DSCAM: variants seen among roughly 807,000 people sequenced by gnomAD.
DSCAM encodes the protein cell adhesion molecule DSCAM.
In DSCAM, 47 loss-of-function variants were observed where a neutral mutation model predicts 217.7. The observed-to-expected ratio is 0.22, with a 90% CI of 0.17 to 0.28. The LOEUF (loss-of-function observed/expected upper bound fraction) is 0.28. Ranked by LOEUF, DSCAM falls within the 10% of genes least tolerant of loss-of-function variation. The pLI is 1.00. For synonymous variants in DSCAM, 1,056 were observed against 1,015.3 expected (o/e 1.04, Z -0.76); for missense variants, 2,080 against 2,618.3 (o/e 0.79, Z 4.49).
intron 3 of DSCAM, among the ~76,000 whole-genome samples, chr21:40,452,237 TACACACACACAC>T (rs71186937): frequency 2.1e-5 from 3 of 144,456 alleles, no homozygotes; most frequent in Admixed American, 7.0e-5. Flanking sequence ...TACACTATAT[TACACACACACAC>T]ACACACACAC....
In DSCAM at chr21:40,058,586, C is replaced by T. The variant is rs369234364; in HGVS notation, c.4920-2746G>A. Among the ~76,000 whole-genome samples, 5 of 152,124 alleles carry T rather than the reference C, an allele frequency of 3.3e-5. No individual in the cohort carries two copies. In the South Asian group the frequency reaches 8.3e-4, roughly 25 times the overall value. ...ACATTGATTTATTTTGAGGGCACAA[C>T]GTGAGCTGAGTGAGATGTCCCCAAG... is the stretch of plus-strand genomic sequence containing the variant. On this transcript the variant is annotated intron_variant, in intron 28 of 32. Transcript: ENST00000400454.
chr21:40,543,019 A>G (rs2076553980), intron 3 of DSCAM, among the ~76,000 whole-genome samples: 1 of 152,280 alleles, frequency 6.6e-6, no homozygotes, highest in South Asian at 2.1e-4. Context: ...GCTCCTTGAG[A>G]TATTTATCTG....
chr21:40,380,283 A>C (rs1364504440), intron 3 of DSCAM, among the ~76,000 whole-genome samples: 1 of 152,244 alleles, frequency 6.6e-6, no homozygotes, highest in Non-Finnish European at 1.5e-5. Context: ...AGTTGTTTAA[A>C]ATAATGAATC....
chr21:40,062,862 T>C lies in DSCAM; in HGVS notation c.4919+7A>G, dbSNP rs1331360431. On this transcript the variant is annotated splice_region_variant and intron_variant, in intron 28 of 32. Coordinates refer to ENST00000400454, the MANE Select transcript of DSCAM (RefSeq NM_001389.5). ...ATGATATCTGGGGTGCTAGGTCTTG[T>C]TCTTACCTCATGAGCATTTCAGCTA... 12 of 1,592,938 alleles carry C rather than the reference T, an allele frequency of 7.5e-6. No individual in the cohort carries two copies. The highest frequency in any genetic ancestry group is 1.0e-5 in the Non-Finnish European group (12 of 1,172,768).
intron 3 of DSCAM, among the ~76,000 whole-genome samples, chr21:40,680,472 C>T (rs547176642): frequency 6.6e-6 from 1 of 152,258 alleles, no homozygotes; most frequent in Admixed American, 6.5e-5. Flanking sequence ...GAGTGCAAAC[C>T]CAAGCCCTGC....
At chr21:40,751,386 C>T (rs748253558) in intron 1 of DSCAM, among the ~76,000 whole-genome samples, 11 of 152,296 alleles carry the variant, frequency 7.2e-5, no homozygotes, top group Non-Finnish European at 1.0e-4. Flanking sequence ...TGAAGGCTTC[C>T]GCCTGTTTTG....
intron 1 of DSCAM, among the ~76,000 whole-genome samples, chr21:40,791,789 C>T (rs968603698): frequency 6.6e-6 from 1 of 152,188 alleles, no homozygotes; most frequent in Non-Finnish European, 1.5e-5. Flanking sequence ...TGACTCTCCT[C>T]ACATTGTCTT....
intron 3 of DSCAM, among the ~76,000 whole-genome samples, chr21:40,415,906 G>C (rs2075366982): frequency 1.3e-5 from 2 of 152,058 alleles, no homozygotes; most frequent in African/African-American, 4.8e-5. Flanking sequence ...TTTTATTAAT[G>C]ACACATAGGT....
intron 3 of DSCAM, among the ~76,000 whole-genome samples, chr21:40,563,547 TTATA>T (rs1171061031): frequency 7.4e-6 from 1 of 135,310 alleles, no homozygotes; most frequent in East Asian, 2.3e-4. Context: ...AGTTATATGT[TTATA>T]TATGTTTATA....
At position 40,183,549 on chromosome 21, in the gene DSCAM, C is replaced by T. The variant is rs540426584; in HGVS notation, c.2779+3582G>A. Among the ~76,000 whole-genome samples the T allele has an allele frequency of 2.3e-3, 356 of 152,230 alleles. 1 individual carries two copies. The highest frequency in any genetic ancestry group is 4.6e-3 in the South Asian group (22 of 4,818). The stretch of plus-strand genomic sequence containing the variant: ...CAGTGTTTCCTGGAAAAGAGTAAAC[C>T]AAGGAAAGTCATCTGTTGTCAAATC... On this transcript the variant is annotated intron_variant, in intron 14 of 32. Coordinates refer to ENST00000400454, the MANE Select transcript of DSCAM (RefSeq NM_001389.5).
chr21:40,399,900 A>G (rs1220578591), intron 3 of DSCAM, among the ~76,000 whole-genome samples: 5 of 152,202 alleles, frequency 3.3e-5, no homozygotes, highest in African/African-American at 1.2e-4. Flanking sequence ...GTAACAAAGC[A>G]ATGTTGCTGC....
At chr21:40,240,348 G>GGTTTT (rs2073133302) in intron 11 of DSCAM, among the ~76,000 whole-genome samples, 1 of 43,850 alleles carries the variant, frequency 2.3e-5, no homozygotes, top group Non-Finnish European at 3.9e-5. Flanking sequence ...CTTCCTCACT[G>GGTTTT]GTTTTTTTTT....
At chr21:40,235,235 G>A (rs1248401182) in intron 11 of DSCAM, among the ~76,000 whole-genome samples, 1 of 152,166 alleles carries the variant, frequency 6.6e-6, no homozygotes, top group Non-Finnish European at 1.5e-5. Context: ...AAAATACAAA[G>A]ATGAGACTCA....
intron 8 of DSCAM, among the ~76,000 whole-genome samples, chr21:40,335,625 A>C (rs2074422723): frequency 6.6e-6 from 1 of 152,244 alleles, no homozygotes. Context: ...TCTCGAAAGA[A>C]ATAATCTTAA....
At chr21:40,801,020 T>G (rs1440870332) in intron 1 of DSCAM, among the ~76,000 whole-genome samples, 1 of 150,360 alleles carries the variant, frequency 6.7e-6, no homozygotes, top group African/African-American at 2.5e-5. Context: ...GGCTTGATCT[T>G]GGCTCACTGC....
chr21:40,520,170 CTAGAA>C (rs1335097287), intron 3 of DSCAM, among the ~76,000 whole-genome samples: 1 of 151,938 alleles, frequency 6.6e-6, no homozygotes, highest in African/African-American at 2.4e-5. Flanking sequence ...TAAATTGCTC[CTAGAA>C]TAAATTCTAG....
At chr21:40,228,549 A>C (rs746620170) in intron 11 of DSCAM, among the ~76,000 whole-genome samples, 1 of 151,982 alleles carries the variant, frequency 6.6e-6, no homozygotes, top group Non-Finnish European at 1.5e-5. Flanking sequence ...AGATTTAACC[A>C]CTGGGAACTC....
At chr21:40,031,664 G>A (rs914247058) in intron 32 of DSCAM, among the ~76,000 whole-genome samples, 8 of 152,114 alleles carry the variant, frequency 5.3e-5, no homozygotes, top group African/African-American at 1.9e-4. Flanking sequence ...ACACAGCCCA[G>A]TGAGGCCTTG....
intron 8 of DSCAM, among the ~76,000 whole-genome samples, chr21:40,335,649 C>A (rs1354766115): frequency 6.6e-6 from 1 of 152,126 alleles, no homozygotes; most frequent in African/African-American, 2.4e-5. Flanking sequence ...CAGACAAAGG[C>A]CAATGCATAA....
Sources: allele counts gnomAD v4.1 joint callset (sites outside exome capture counted in the v4.1 genomes callset), GRCh38; gene constraint gnomAD v4.1.1; transcripts MANE v1.5; gene names NCBI Gene and HGNC (gene_info 2026-07-23, HGNC 2026-07-21).